NCOR1: variants seen among roughly 807,000 people sequenced by gnomAD.
The protein encoded by NCOR1 is protein phosphatase 1, regulatory subunit 109.
In NCOR1, 63 loss-of-function variants were observed where a neutral mutation model predicts 288.1. The ratio of observed to expected loss-of-function variants is 0.22; its 90% CI spans 0.18 to 0.27. NCOR1 has a LOEUF of 0.27. Ranked by LOEUF, NCOR1 falls within the 10% of genes least tolerant of loss-of-function variation. The probability of loss-of-function intolerance (pLI) is 1.00; values close to 1 mark genes in which losing one functional copy is unlikely to be tolerated. For synonymous variants in NCOR1, 1,007 were observed against 1,065.9 expected (o/e 0.94, Z 1.08); for missense variants, 2,397 against 3,019.2 (o/e 0.79, Z 4.83).
intron 14 of NCOR1, among the ~76,000 whole-genome samples, chr17:16,129,286 C>T (rs904816579): frequency 6.6e-6 from 1 of 152,188 alleles, no homozygotes; most frequent in African/African-American, 2.4e-5. Context: ...ACCCATCGCA[C>T]ACCTTCATTG....
At chr17:16,083,913 TA>T (rs1402761339) in intron 23 of NCOR1, 1 of 151,302 alleles carries the variant, frequency 6.6e-6, no homozygotes, top group African/African-American at 2.4e-5. Flanking sequence ...GCAAATAAAA[TA>T]AATGAAGTGG....
In NCOR1 at chr17:16,030,909, A is replaced by C. The variant is rs1308471752; in HGVS notation, c.*1387T>G. On this transcript the variant is annotated 3_prime_UTR_variant, in exon 46 of 46. Coordinates refer to ENST00000268712, the MANE Select transcript of NCOR1 (RefSeq NM_006311.4). Reference sequence around the variant, plus strand: ...TTTAGGTCTACTTGAAAGTCTGTAAAGTGCTAATTTTTATCATCCTGAGAG... The same window carrying C: ...TTTAGGTCTACTTGAAAGTCTGTAACGTGCTAATTTTTATCATCCTGAGAG... 1 of 193,868 alleles carries C rather than the reference A, an allele frequency of 5.2e-6. No individual in the cohort carries two copies. Among genetic ancestry groups the C allele is most frequent in the African/African-American group, 2.3e-5 (1 of 43,178 alleles). 12.0% of individuals were successfully genotyped at this position (193,868 alleles called of 1,614,324 possible).
chr17:16,102,370 C>A (rs553471191), intron 19 of NCOR1, among the ~76,000 whole-genome samples: 3 of 152,114 alleles, frequency 2.0e-5, no homozygotes, highest in East Asian at 3.9e-4. Context: ...GCAACCTCCG[C>A]CTCCTGGGTT....
intron 22 of NCOR1, chr17:16,087,103 T>C (rs2064360323): frequency 1.7e-6 from 2 of 1,190,218 alleles, no homozygotes; most frequent in Admixed American, 2.5e-5. Flanking sequence ...ATTCACGAGA[T>C]TAAACCACCC....
intron 1 of NCOR1, among the ~76,000 whole-genome samples, chr17:16,207,578 A>T (rs991926506): frequency 6.6e-6 from 1 of 151,944 alleles, no homozygotes; most frequent in African/African-American, 2.4e-5. Context: ...CATCTCTACT[A>T]AAAATACAAA....
chr17:16,128,758 G>A (rs1471072485), intron 14 of NCOR1, among the ~76,000 whole-genome samples: 2 of 151,918 alleles, frequency 1.3e-5, no homozygotes, highest in Non-Finnish European at 2.9e-5. Flanking sequence ...GCGCTCCAAA[G>A]TCTTTTACCT....
At chr17:16,167,784 C>T (rs2082291776) in intron 4 of NCOR1, among the ~76,000 whole-genome samples, 1 of 137,700 alleles carries the variant, frequency 7.3e-6, no homozygotes, top group Admixed American at 8.0e-5. Flanking sequence ...GGCTTGAACC[C>T]GGGAGGCGGA....
intron 10 of NCOR1, among the ~76,000 whole-genome samples, chr17:16,144,282 C>T (rs2077543754): frequency 6.6e-6 from 1 of 152,138 alleles, no homozygotes; most frequent in Non-Finnish European, 1.5e-5. Flanking sequence ...TAGGTCTGTT[C>T]TTACTCACTG....
chr17:16,213,485 G>C (rs1425188464), intron 1 of NCOR1, among the ~76,000 whole-genome samples: 1 of 28,746 alleles, frequency 3.5e-5, no homozygotes, highest in Admixed American at 3.4e-4. Flanking sequence ...GAGCAAGACT[G>C]TCTCAAAAAA....
intron 14 of NCOR1, among the ~76,000 whole-genome samples, chr17:16,130,523 G>A (rs1255803722): frequency 6.6e-6 from 1 of 152,032 alleles, no homozygotes; most frequent in East Asian, 1.9e-4. Context: ...ATACTTGAGA[G>A]CCAATAAAAC....
chr17:16,133,181 C>T (rs754676857), intron 14 of NCOR1, among the ~76,000 whole-genome samples: 2 of 152,138 alleles, frequency 1.3e-5, no homozygotes, highest in Non-Finnish European at 1.5e-5. Context: ...GTTGCCCAGG[C>T]TGGTCTCGAA....
chr17:16,155,090 G>A (rs577071745), intron 6 of NCOR1, among the ~76,000 whole-genome samples: 3 of 152,174 alleles, frequency 2.0e-5, no homozygotes, highest in African/African-American at 4.8e-5. Flanking sequence ...GGTGGCTCAC[G>A]CCTGTAATAT....
In NCOR1 at chr17:16,032,459, G is replaced by A; in HGVS notation, c.7160C>T (p.Pro2387Leu). The change falls in exon 46 of 46, where the codon CCT (proline) becomes CTT (leucine). Residue 2387 changes from proline to leucine, a missense_variant. Coordinates refer to ENST00000268712, the MANE Select transcript of NCOR1 (RefSeq NM_006311.4). ...STGSTQFPYN[P>L]LTMRMLSSTP... The stretch of plus-strand genomic sequence containing the variant: ...ACTGCTGAGCATCCGCATAGTCAGA[G>A]GGTTATAAGGAAACTGAGTTGAGCC... The A allele has an allele frequency of 3.8e-6, 6 of 1,596,150 alleles. No individual in the cohort carries two copies. The highest frequency in any genetic ancestry group is 5.1e-6 in the Non-Finnish European group (6 of 1,172,972).
chr17:16,121,963 A>C (rs1373536879), intron 15 of NCOR1, among the ~76,000 whole-genome samples: 2 of 152,216 alleles, frequency 1.3e-5, no homozygotes, highest in Non-Finnish European at 2.9e-5. Flanking sequence ...CTGTACAATG[A>C]GAAAAAGTTT....
Position 16,031,384 on chromosome 17 carries a change from C to G in NCOR1, c.*912G>C. On this transcript the variant is annotated 3_prime_UTR_variant, in exon 46 of 46. Coordinates refer to ENST00000268712, the MANE Select transcript of NCOR1 (RefSeq NM_006311.4). Reference sequence around the variant, plus strand: ...ACCTGAGACACCAGGAGCCTTAAACCACAAATAATCTACTGTAGCTATGGA... The same window carrying G: ...ACCTGAGACACCAGGAGCCTTAAACGACAAATAATCTACTGTAGCTATGGA... 5.3e-6 allele frequency: 1 copy of G among 190,476 alleles called. No homozygotes were observed. Among genetic ancestry groups the G allele is most frequent in the East Asian group, 8.4e-5 (1 of 11,960 alleles). The allele number at this position is 190,476 out of a possible 1,614,324, so 11.8% of individuals were successfully genotyped here.
At chr17:16,123,094 C>T (rs546631655) in intron 15 of NCOR1, among the ~76,000 whole-genome samples, 9 of 152,318 alleles carry the variant, frequency 5.9e-5, no homozygotes, top group Non-Finnish European at 1.0e-4. Context: ...CCTGCTGGAA[C>T]GGCCACCTGG....
Position 16,057,987 on chromosome 17 carries a change from G to C in NCOR1, c.6088C>G (p.Leu2030Val). ...CCCTCTGCCTGTGAAGAAGGGGGCA[G>C]CTGTTGTTGGGGAGATGGTGATTCC... ...QQESPSPQQQ[L>V]PPSSQAEGMG... Residue 2030 changes from leucine to valine, a missense_variant, in exon 39 of 46, where the codon CTG becomes GTG. Leu to Val is a conservative substitution (Grantham distance 32). Around this residue, in one of 11 missense-constraint regions of NCOR1, gnomAD observed 1,872 missense variants for 2,187.8 expected, o/e 0.86. Transcript: ENST00000268712. 1.2e-6 allele frequency: 2 copies of C among 1,614,122 alleles called. No homozygotes were observed. Among genetic ancestry groups the C allele is most frequent in the Non-Finnish European group, 1.7e-6 (2 of 1,179,986 alleles).
chr17:16,051,305 T>TCACA (rs1289288852), intron 40 of NCOR1, among the ~76,000 whole-genome samples: 1 of 152,236 alleles, frequency 6.6e-6, no homozygotes, highest in African/African-American at 2.4e-5. Context: ...ATTTATTGCA[T>TCACA]CACATCCTTT....
intron 1 of NCOR1, among the ~76,000 whole-genome samples, chr17:16,200,513 A>G (rs1447094731): frequency 6.6e-6 from 1 of 150,566 alleles, no homozygotes; most frequent in East Asian, 1.9e-4. Context: ...AAAAAAAAAA[A>G]AAAAAAAAGC....
Sources: allele counts gnomAD v4.1 joint callset (sites outside exome capture counted in the v4.1 genomes callset), GRCh38; gene constraint gnomAD v4.1.1; regional missense constraint gnomAD v4.1.1; transcripts MANE v1.5; gene names NCBI Gene and HGNC (gene_info 2026-07-23, HGNC 2026-07-21).